PROM1: variants seen among roughly 807,000 people sequenced by gnomAD.
The protein encoded by PROM1 is prominin-1.
PROM1 carries 105 observed loss-of-function variants against 116.9 expected under a neutral mutation model. The observed-to-expected ratio is 0.90, with a 90% CI of 0.77 to 1.06. The LOEUF (loss-of-function observed/expected upper bound fraction) is 1.06. PROM1 is among the 50% of genes least tolerant of loss of function. The pLI is 0.00. For synonymous variants in PROM1, 393 were observed against 387.0 expected (o/e 1.02, Z -0.18); for missense variants, 1,122 against 1,045.2 (o/e 1.07, Z -1.01).
At position 15,989,830 on chromosome 4, in the gene PROM1, A is replaced by C. The variant is rs1273056879; in HGVS notation, c.1984-6T>G. The C allele has an allele frequency of 6.3e-7, 1 of 1,579,278 alleles. No individual in the cohort carries two copies. The highest frequency in any genetic ancestry group is 8.6e-7 in the Non-Finnish European group (1 of 1,156,802). On this transcript the variant is annotated splice_region_variant and splice_polypyrimidine_tract_variant and intron_variant, in intron 18 of 27. Coordinates refer to ENST00000447510, the MANE Select transcript of PROM1 (RefSeq NM_006017.3). ...TTCCTCAAATTTCCTGGGGGCTACAAAAAGAATAAAAAACAAAGATCAATA... is the reference window on the plus strand; with the variant it reads ...TTCCTCAAATTTCCTGGGGGCTACACAAAGAATAAAAAACAAAGATCAATA...
At chr4:16,021,563 A>G (rs1408445445) in intron 8 of PROM1, among the ~76,000 whole-genome samples, 1 of 152,212 alleles carries the variant, frequency 6.6e-6, no homozygotes, top group South Asian at 2.1e-4. Context: ...AAGCTTTTGG[A>G]AAACAAAAAG....
rs1717288863 is a variant in PROM1, at chr4:15,979,814, T to A, written c.2513+67A>T. ...GATGTTAATAACTTAATTTTTAAAG[T>A]CCATTACATAATAATATCAACCTCC... On this transcript the variant is annotated intron_variant, in intron 25 of 27. Transcript: ENST00000447510. 3 of 1,288,256 alleles carry A rather than the reference T, an allele frequency of 2.3e-6. No homozygotes were observed. The South Asian group carries it at 4.1e-5, about 18-fold the overall frequency. 79.8% of individuals were successfully genotyped at this position (1,288,256 alleles called of 1,614,324 possible). A position where few individuals can be genotyped will look rare whatever the true frequency, so the allele number is the denominator to read the frequency against.
chr4:16,076,114 C>T lies in PROM1; in HGVS notation c.-208G>A, dbSNP rs1385377072. On this transcript the variant is annotated 5_prime_UTR_variant, in exon 2 of 28. The change abolishes an upstream ATG in the 5' untranslated region. Coordinates refer to ENST00000447510, the MANE Select transcript of PROM1 (RefSeq NM_006017.3). ...CAAGGGGGTCATTCACTCAAGGCAC[C>T]ATCCCTGGCAGGGAGAGAAACAGCA... The T allele has an allele frequency of 1.4e-5, 14 of 1,025,320 alleles. No homozygotes were observed. The highest frequency in any genetic ancestry group is 3.2e-5 in the African/African-American group (2 of 61,782). The allele number at this position is 1,025,320 out of a possible 1,614,324, so 63.5% of individuals were successfully genotyped here. A position where few individuals can be genotyped will look rare whatever the true frequency, so the allele number is the denominator to read the frequency against.
At chr4:16,060,886 C>T (rs898038009) in intron 2 of PROM1, among the ~76,000 whole-genome samples, 2 of 152,144 alleles carry the variant, frequency 1.3e-5, no homozygotes, top group Non-Finnish European at 2.9e-5. Context: ...TGAGCCCATT[C>T]GATGATTCGG....
At chr4:16,011,879 CTAACATAATATTT>C (rs1352674239) in intron 11 of PROM1, among the ~76,000 whole-genome samples, 1 of 152,214 alleles carries the variant, frequency 6.6e-6, no homozygotes, top group Non-Finnish European at 1.5e-5. Flanking sequence ...TCAAGTATCT[CTAACATAATATTT>C]TAAAACCACT....
At chr4:16,063,039 C>T (rs983298761) in intron 2 of PROM1, among the ~76,000 whole-genome samples, 1 of 152,140 alleles carries the variant, frequency 6.6e-6, no homozygotes, top group Non-Finnish European at 1.5e-5. Context: ...ACAAAAGATA[C>T]AACCAGAAAC....
At chr4:16,063,632 A>T (rs548919833) in intron 2 of PROM1, among the ~76,000 whole-genome samples, 2 of 152,332 alleles carry the variant, frequency 1.3e-5, no homozygotes, top group South Asian at 4.1e-4. Context: ...GTAAGGAGAT[A>T]TATCAACCAA....
intron 2 of PROM1, among the ~76,000 whole-genome samples, chr4:16,043,226 A>G (rs1265790960): frequency 6.6e-6 from 1 of 152,214 alleles, no homozygotes; most frequent in African/African-American, 2.4e-5. Flanking sequence ...CCCAACCCCT[A>G]TAACTTGGTT....
chr4:16,017,155 G>T (rs1728600800), intron 9 of PROM1, among the ~76,000 whole-genome samples: 1 of 152,076 alleles, frequency 6.6e-6, no homozygotes, highest in Non-Finnish European at 1.5e-5. Context: ...TTTGAGAAAA[G>T]AACAAAATGC....
chr4:15,972,069 C>T (rs762058271), intron 26 of PROM1: 1 of 152,210 alleles, frequency 6.6e-6, no homozygotes, highest in Non-Finnish European at 1.5e-5. Context: ...TTCCAAAGAA[C>T]ATCTACATTT....
chr4:15,992,445 A>G, intron 16 of PROM1, 54 bp from the exon 17 acceptor site: 1 of 1,579,184 alleles, frequency 6.3e-7, no homozygotes. Flanking sequence ...AATGTCACAA[A>G]CCAAATGCTT....
chr4:15,996,101 A>T (rs4698132), intron 15 of PROM1, among the ~76,000 whole-genome samples: 144,247 of 152,328 alleles, frequency 0.95, 68,412 homozygotes, highest in Middle Eastern at 0.98. Flanking sequence ...AGTTTACACA[A>T]CCGAGGTGTT....
rs1338577016 is a variant in PROM1, at chr4:15,974,107, A to G, written c.2583-3025T>C. 6.2e-5 allele frequency among the ~76,000 whole-genome samples: 6 copies of G among 96,232 alleles called. No homozygotes were observed. The South Asian group carries it at 2.9e-3, about 46-fold the overall frequency. The allele number at this position is 96,232 out of a possible 152,430, so 63.1% of individuals were successfully genotyped here. A position where few individuals can be genotyped will look rare whatever the true frequency, so the allele number is the denominator to read the frequency against. On this transcript the variant is annotated intron_variant, in intron 26 of 27. Transcript: ENST00000447510. ...CAGACACACACACACAGACACACAC[A>G]CTCTCTCTCTTTCTCTCTCTCTCTC...
intron 13 of PROM1, among the ~76,000 whole-genome samples, chr4:16,001,702 C>G (rs939309480): frequency 6.6e-6 from 1 of 152,180 alleles, no homozygotes; most frequent in Non-Finnish European, 1.5e-5. Context: ...GAGGAAACCA[C>G]ATCGGAGTGG....
intron 1 of PROM1, chr4:16,083,228 T>A (rs1049477622): frequency 4.0e-5 from 6 of 151,890 alleles, no homozygotes; most frequent in African/African-American, 1.2e-4. Flanking sequence ...CTGGCGAGTC[T>A]CACCTCGGTC....
intron 23 of PROM1, 122 bp from the exon 24 acceptor site, chr4:15,980,659 G>A: frequency 1.6e-6 from 1 of 625,392 alleles, no homozygotes. Flanking sequence ...TTGTCATTTT[G>A]TTCTTTAAAA....
At chr4:15,999,089 AGACCATTT>A (rs1368644261) in intron 14 of PROM1, among the ~76,000 whole-genome samples, 1 of 152,208 alleles carries the variant, frequency 6.6e-6, no homozygotes, top group East Asian at 1.9e-4. Context: ...GAAGCAGAGT[AGACCATTT>A]GATCAGAATA....
intron 11 of PROM1, among the ~76,000 whole-genome samples, chr4:16,012,319 A>G (rs1256328426): frequency 6.6e-6 from 1 of 152,118 alleles, no homozygotes; most frequent in Non-Finnish European, 1.5e-5. Context: ...CTCCAAGCAA[A>G]TAATCCAGGT....
At chr4:16,074,557 T>C (rs1045603269) in intron 2 of PROM1, among the ~76,000 whole-genome samples, 1 of 152,158 alleles carries the variant, frequency 6.6e-6, no homozygotes, top group Non-Finnish European at 1.5e-5. Flanking sequence ...AAACAGTAAG[T>C]AGCATTCGTT....
Sources: allele counts gnomAD v4.1 joint callset (sites outside exome capture counted in the v4.1 genomes callset), GRCh38; gene constraint gnomAD v4.1.1; transcripts MANE v1.5; gene names NCBI Gene and HGNC (gene_info 2026-07-23, HGNC 2026-07-21).